Variants in SDCCAG8 observed in about 807,000 individuals in gnomAD.
The protein encoded by SDCCAG8 is SHH signaling and ciliogenesis regulator SDCCAG8.
SDCCAG8 carries 74 observed loss-of-function variants against 101.8 expected under a neutral mutation model. The ratio of observed to expected loss-of-function variants is 0.73; its 90% CI spans 0.60 to 0.88. The LOEUF is 0.88. SDCCAG8 is among the 40% of genes least tolerant of loss of function. SDCCAG8 has a pLI of 0.00. For synonymous variants in SDCCAG8, 281 were observed against 292.9 expected (o/e 0.96, Z 0.41); for missense variants, 787 against 822.6 (o/e 0.96, Z 0.53).
At chr1:243,371,703 C>A (rs369638130) in intron 12 of SDCCAG8, among the ~76,000 whole-genome samples, 3 of 152,076 alleles carry the variant, frequency 2.0e-5, no homozygotes, top group Non-Finnish European at 4.4e-5. Context: ...CTTATAATAT[C>A]CTTTTGTTCA....
intron 12 of SDCCAG8, among the ~76,000 whole-genome samples, chr1:243,360,538 C>T (rs73118358): frequency 0.13 from 19,263 of 151,608 alleles, 1,873 homozygotes; most frequent in African/African-American, 0.27. Context: ...GTTAAACTTT[C>T]ATCAGCCAGG....
rs574805935 is a variant in SDCCAG8 at position 243,429,286 on chromosome 1, T to C, written c.1985+2728T>C. ...TAATATTTTTTCTAGCTTACTTTAT[T>C]GTAAGAATATAGTGTATAACACATA... On this transcript the variant is annotated intron_variant, in intron 16 of 17. Transcript: ENST00000366541. Among the ~76,000 whole-genome samples, 6 of 152,350 alleles carry C rather than the reference T, an allele frequency of 3.9e-5. No homozygotes were observed. In the East Asian group the frequency reaches 1.2e-3, roughly 29 times the overall value.
intron 1 of SDCCAG8, among the ~76,000 whole-genome samples, chr1:243,268,441 TGAGTCAGAG>T (rs2149260492): frequency 6.6e-6 from 1 of 152,338 alleles, no homozygotes; most frequent in Non-Finnish European, 1.5e-5. Context: ...AAACTCATGA[TGAGTCAGAG>T]GAGGCCAGTT....
chr1:243,449,978 C>T (rs955630964), intron 16 of SDCCAG8, among the ~76,000 whole-genome samples: 50 of 152,284 alleles, frequency 3.3e-4, no homozygotes, highest in African/African-American at 1.2e-3. Flanking sequence ...CAGAACTATT[C>T]TTTCAGGGTG....
At chr1:243,444,314 A>G (rs1028968590) in intron 16 of SDCCAG8, among the ~76,000 whole-genome samples, 6 of 151,764 alleles carry the variant, frequency 4.0e-5, no homozygotes, top group African/African-American at 1.2e-4. Flanking sequence ...AGATTACGTC[A>G]TAGGCTTAAC....
intron 17 of SDCCAG8, among the ~76,000 whole-genome samples, chr1:243,495,994 T>C (rs1378100052): frequency 3.3e-5 from 5 of 152,174 alleles, no homozygotes; most frequent in Admixed American, 1.3e-4. Flanking sequence ...TGTCACTTGA[T>C]TTCTGGCAGA....
chr1:243,361,654 G>A (rs2076717348), intron 12 of SDCCAG8, among the ~76,000 whole-genome samples: 1 of 152,082 alleles, frequency 6.6e-6, no homozygotes, highest in African/African-American at 2.4e-5. Context: ...TCTCAGACAT[G>A]CCATGGCCTT....
At chr1:243,371,460 T>C (rs1014829405) in intron 12 of SDCCAG8, among the ~76,000 whole-genome samples, 1 of 152,166 alleles carries the variant, frequency 6.6e-6, no homozygotes, top group Non-Finnish European at 1.5e-5. Flanking sequence ...GAACACAGAA[T>C]GGAATTTTAA....
At chr1:243,311,778 A>T (rs1246383424) in intron 8 of SDCCAG8, among the ~76,000 whole-genome samples, 5 of 150,316 alleles carry the variant, frequency 3.3e-5, no homozygotes, top group African/African-American at 1.2e-4. Flanking sequence ...AAAAAAAAAA[A>T]CTCAGCCAAG....
chr1:243,390,813 A>C (rs951631734), intron 13 of SDCCAG8, among the ~76,000 whole-genome samples: 4 of 152,238 alleles, frequency 2.6e-5, no homozygotes, highest in African/African-American at 9.6e-5. Flanking sequence ...GCAAAAACAT[A>C]GAATTGTTCT....
At chr1:243,488,156 C>G (rs562137574) in intron 16 of SDCCAG8, 1 of 152,310 alleles carries the variant, frequency 6.6e-6, no homozygotes, top group Non-Finnish European at 1.5e-5. Flanking sequence ...TAGTTGTGCC[C>G]GGAGTCCCAG....
intron 1 of SDCCAG8, among the ~76,000 whole-genome samples, chr1:243,259,474 T>C (rs1448805763): frequency 6.6e-6 from 1 of 152,146 alleles, no homozygotes; most frequent in Non-Finnish European, 1.5e-5. Flanking sequence ...TATTATGGTA[T>C]ATCAAAATTT....
chr1:243,355,314 T>TTCTCTC (rs10579765), intron 12 of SDCCAG8, among the ~76,000 whole-genome samples: 2 of 147,676 alleles, frequency 1.4e-5, no homozygotes, highest in South Asian at 2.2e-4. Flanking sequence ...TCCTGATACC[T>TTCTCTC]TCTCTCTCTC....
chr1:243,313,621 A>G lies in SDCCAG8; in HGVS notation c.930-3134A>G, dbSNP rs548817532. ...TTGCGTCAAGAAGCTCCTTGATTAC[A>G]TTCATCAACACATTCACATGGTGTT... On this transcript the variant is annotated intron_variant, in intron 8 of 17. Transcript: ENST00000366541. 1.2e-4 allele frequency among the ~76,000 whole-genome samples: 18 copies of G among 152,324 alleles called. No individual in the cohort carries two copies. The East Asian group carries it at 3.5e-3, about 29-fold the overall frequency.
intron 13 of SDCCAG8, among the ~76,000 whole-genome samples, chr1:243,395,648 G>A (rs752153298): frequency 2.0e-5 from 3 of 152,046 alleles, no homozygotes; most frequent in Non-Finnish European, 2.9e-5. Context: ...GCATGTCTCA[G>A]TACTTAGATT....
intron 1 of SDCCAG8, among the ~76,000 whole-genome samples, chr1:243,259,693 C>T (rs1027407097): frequency 2.0e-5 from 3 of 151,996 alleles, no homozygotes; most frequent in Non-Finnish European, 4.4e-5. Context: ...GTGGCAGGCG[C>T]GTGTAACCCC....
At chr1:243,415,917 A>T (rs1573920799) in intron 14 of SDCCAG8, 88 bp downstream of exon 14, 1 of 1,522,238 alleles carries the variant, frequency 6.6e-7, no homozygotes, top group African/African-American at 1.4e-5. Context: ...GAACACCTGT[A>T]ACCTTTGGCT....
chr1:243,273,123 G>A (rs2068230422), intron 3 of SDCCAG8, among the ~76,000 whole-genome samples: 1 of 152,066 alleles, frequency 6.6e-6, no homozygotes, highest in South Asian at 2.1e-4. Context: ...TTCTACTCAG[G>A]ACAGATAATT....
intron 13 of SDCCAG8, among the ~76,000 whole-genome samples, chr1:243,386,433 G>C (rs929138865): frequency 6.6e-6 from 1 of 152,184 alleles, no homozygotes; most frequent in African/African-American, 2.4e-5. Flanking sequence ...CGGGCGCGGT[G>C]GCTCACGCCT....
Sources: allele counts gnomAD v4.1 joint callset (sites outside exome capture counted in the v4.1 genomes callset), GRCh38; gene constraint gnomAD v4.1.1; transcripts MANE v1.5; gene names NCBI Gene and HGNC (gene_info 2026-07-23, HGNC 2026-07-21).